Variants in MFSD6 observed in about 807,000 individuals in gnomAD.
The protein encoded by MFSD6 is major facilitator superfamily domain-containing protein 6.
Under a neutral mutation model 56.3 loss-of-function variants are expected in MFSD6, and 26 were observed. The ratio of observed to expected loss-of-function variants is 0.46; its 90% confidence interval spans 0.34 to 0.64. The LOEUF (loss-of-function observed/expected upper bound fraction) is 0.64, where lower values mean the gene tolerates loss of function less well. MFSD6 is among the 30% of genes least tolerant of loss of function. MFSD6 has a pLI of 0.01. For synonymous variants in MFSD6, 331 were observed against 366.9 expected, an observed-to-expected ratio of 0.90 and a Z score of 1.12; for missense variants, 750 against 986.2, an observed-to-expected ratio of 0.76 and a Z score of 3.21.
At chr2:190,441,002 A>G (rs1686353454) in intron 3 of MFSD6, among the ~76,000 whole-genome samples, 1 of 152,190 alleles carries the variant, frequency 6.6e-6, no homozygotes, top group Non-Finnish European at 1.5e-5. Flanking sequence ...TCACTGGAGG[A>G]ATAGCAGTAA....
At position 190,472,495 on chromosome 2, in the gene MFSD6, A is replaced by C. The variant is rs553808061; in HGVS notation, c.1630+2640A>C. Among the ~76,000 whole-genome samples the C allele has an allele frequency of 4.6e-5, 7 of 152,362 alleles. No individual in the cohort carries two copies. In the East Asian group the frequency reaches 1.3e-3, roughly 29 times the overall value. The stretch of plus-strand genomic sequence containing the variant: ...TGGAAGAAAGGGTATCAGTGATGGA[A>C]GATCAAATGAATGAAATGAAGTGAG... On this transcript the variant is annotated intron_variant, in intron 4 of 7. Transcript: ENST00000392328.
chr2:190,443,828 GAGGATGTCTTGAGCCC>G lies in MFSD6; in HGVS notation c.1532+6272_1532+6287del, dbSNP rs1686473902. On this transcript the variant is annotated intron_variant, in intron 3 of 7. Coordinates refer to ENST00000392328, the MANE Select transcript of MFSD6 (RefSeq NM_017694.4). The surrounding 1 kb of genome is among the most constrained non-coding windows in gnomAD (Gnocchi z 4.2). ...CCAGCACTTTGGGAGGCTGAGGCAGGAGGATGTCTTGAGCCCAGGAGTTCGAGATCAGCCTGGGCAA... is the reference window on the plus strand; with the variant it reads ...CCAGCACTTTGGGAGGCTGAGGCAGGAGGAGTTCGAGATCAGCCTGGGCAA... Among the ~76,000 whole-genome samples the G allele has an allele frequency of 6.6e-6, 1 of 152,202 alleles. No homozygotes were observed. The highest frequency in any genetic ancestry group is 1.5e-5 in the Non-Finnish European group (1 of 68,030).
At chr2:190,476,333 T>G (rs915276318) in intron 4 of MFSD6, among the ~76,000 whole-genome samples, 8 of 152,096 alleles carry the variant, frequency 5.3e-5, no homozygotes, top group Admixed American at 4.6e-4. Flanking sequence ...ATATCCAGAA[T>G]CTACAAAGAA....
rs145659985 is a variant in MFSD6, at chr2:190,440,252, G to C, written c.1532+2691G>C. Among the ~76,000 whole-genome samples the C allele has an allele frequency of 2.6e-5, 4 of 152,148 alleles. No homozygotes were observed. The East Asian group carries it at 7.7e-4, about 29-fold the overall frequency. On this transcript the variant is annotated intron_variant, in intron 3 of 7. Transcript: ENST00000392328. ...AATAGCATGTCCAGTTTTGAACTCAGTATTTTAACAGTTTCACAATATACA... is the reference window on the plus strand; with the variant it reads ...AATAGCATGTCCAGTTTTGAACTCACTATTTTAACAGTTTCACAATATACA...
In MFSD6 at chr2:190,465,545, T is replaced by C. The variant is rs1231072560; in HGVS notation, c.1533-4213T>C. ...TTCTAGGACCCTGAACATATGCTCA[T>C]ATTCAGCATAAAAAAGAATTTGATT... On this transcript the variant is annotated intron_variant, in intron 3 of 7. Coordinates refer to ENST00000392328, the MANE Select transcript of MFSD6 (RefSeq NM_017694.4). This position sits in a 1 kb window ranked among gnomAD's most constrained non-coding sequence, Gnocchi z 4.6. Among the ~76,000 whole-genome samples, 2 of 152,198 alleles carry C rather than the reference T, an allele frequency of 1.3e-5. No individual in the cohort carries two copies. The highest frequency in any genetic ancestry group is 2.9e-5 in the Non-Finnish European group (2 of 68,036).
At chr2:190,477,220 GCATTAAA>G in intron 4 of MFSD6, 1 of 969,100 alleles carries the variant, frequency 1.0e-6, no homozygotes, top group Non-Finnish European at 1.2e-6. Context: ...TAATAACAAT[GCATTAAA>G]CAGGAACTGC....
chr2:190,416,954 T>G lies in MFSD6; in HGVS notation c.-54+1541T>G, dbSNP rs910515980. Among the ~76,000 whole-genome samples, 2 of 152,140 alleles carry G rather than the reference T, an allele frequency of 1.3e-5. No individual in the cohort carries two copies. Among genetic ancestry groups the G allele is most frequent in the Admixed American group, 6.5e-5 (1 of 15,274 alleles). On this transcript the variant is annotated intron_variant, in intron 2 of 7. Transcript: ENST00000392328. The surrounding 1 kb of genome is among the most constrained non-coding windows in gnomAD (Gnocchi z 4.1). ...TTATATGTTTATTGTCATCAGGTGC[T>G]TGTCAAAATAAACAGTATTGAGAGC...
chr2:190,477,961 G>T (rs1182773010), intron 4 of MFSD6, among the ~76,000 whole-genome samples: 1 of 152,208 alleles, frequency 6.6e-6, no homozygotes, highest in Non-Finnish European at 1.5e-5. Context: ...GAAGAGCTGT[G>T]TGCGAAGGCA....
rs538719424 is a variant in MFSD6 at position 190,494,933 on chromosome 2, T to C, written c.1892-2506T>C. ...AAGTTGGAAGCATTCCCTCTGAAAA[T>C]TGGAACAAGACAAGGATGCCCACTC... is the stretch of plus-strand genomic sequence containing the variant. On this transcript the variant is annotated intron_variant, in intron 6 of 7. Transcript: ENST00000392328. The surrounding 1 kb of genome is among the most constrained non-coding windows in gnomAD (Gnocchi z 5.7). Among the ~76,000 whole-genome samples, 18 of 152,018 alleles carry C rather than the reference T, an allele frequency of 1.2e-4. No individual in the cohort carries two copies. Among genetic ancestry groups the C allele is most frequent in the African/African-American group, 3.6e-4 (15 of 41,462 alleles).
rs1346505891 is a variant in MFSD6, at chr2:190,431,091, C to T, written c.-53-4886C>T. Among the ~76,000 whole-genome samples the T allele has an allele frequency of 2.0e-5, 3 of 149,048 alleles. No individual in the cohort carries two copies. The highest frequency in any genetic ancestry group is 3.0e-5 in the Non-Finnish European group (2 of 67,224). ...GGGGTCGCAGCCGGGCAGAGGCGCTCCTCACATCCCAGACAGGGCGGCGGG... is the reference window on the plus strand; with the variant it reads ...GGGGTCGCAGCCGGGCAGAGGCGCTTCTCACATCCCAGACAGGGCGGCGGG... On this transcript the variant is annotated intron_variant, in intron 2 of 7. Transcript: ENST00000392328. The surrounding 1 kb of genome is among the most constrained non-coding windows in gnomAD (Gnocchi z 4.4).
Position 190,436,962 on chromosome 2 carries a change from G to C in MFSD6, c.933G>C (p.Thr311=). ...FSASSVTIVD[T]VTLQYLGKHR... ...CCTCTTCTGTCACAATCGTAGACAC[G>C]GTCACACTCCAGTATCTGGGAAAAC... The change falls in exon 3 of 8, where the codon ACG becomes ACC. Residue 311 remains threonine, a synonymous_variant. Transcript: ENST00000392328. This position sits in a 1 kb window ranked among gnomAD's most constrained non-coding sequence, Gnocchi z 5.3. 3 of 1,614,154 alleles carry C rather than the reference G, an allele frequency of 1.9e-6. No homozygotes were observed. In the South Asian group the frequency reaches 3.3e-5, roughly 18 times the overall value.
chr2:190,473,900 G>A lies in MFSD6; in HGVS notation c.1630+4045G>A, dbSNP rs549845866. ...ACAGTGCAATCAAACTAGAACTCAGGATTAAGAAACTCACTCAAAACTGCT... is the reference window on the plus strand; with the variant it reads ...ACAGTGCAATCAAACTAGAACTCAGAATTAAGAAACTCACTCAAAACTGCT... On this transcript the variant is annotated intron_variant, in intron 4 of 7. Transcript: ENST00000392328. 3.3e-5 allele frequency among the ~76,000 whole-genome samples: 5 copies of A among 152,252 alleles called. No homozygotes were observed. In the East Asian group the frequency reaches 9.6e-4, roughly 29 times the overall value.
Position 190,462,047 on chromosome 2 carries a change from A to G in MFSD6, c.1533-7711A>G, listed in dbSNP as rs770303353. ...ATACGAACTCAAAATCTACAGAAAT[A>G]TACTCCTTAGGCGATGAAGGGCCCT... is the stretch of plus-strand genomic sequence containing the variant. On this transcript the variant is annotated intron_variant, in intron 3 of 7. Coordinates refer to ENST00000392328, the MANE Select transcript of MFSD6 (RefSeq NM_017694.4). This position sits in a 1 kb window ranked among gnomAD's most constrained non-coding sequence, Gnocchi z 5.7. 6.6e-6 allele frequency among the ~76,000 whole-genome samples: 1 copy of G among 152,136 alleles called. No homozygotes were observed. The highest frequency in any genetic ancestry group is 1.5e-5 in the Non-Finnish European group (1 of 68,020).
Position 190,457,293 on chromosome 2 carries a change from G to C in MFSD6, c.1533-12465G>C, listed in dbSNP as rs1687093234. Among the ~76,000 whole-genome samples the C allele has an allele frequency of 6.6e-6, 1 of 152,162 alleles. No homozygotes were observed. Among genetic ancestry groups the C allele is most frequent in the Non-Finnish European group, 1.5e-5 (1 of 68,026 alleles). ...CTCTCCTTCCTTGTCTCTGTGAAAA[G>C]AGCGAGCTGGATGCTATGGCTCCTT... is the stretch of plus-strand genomic sequence containing the variant. On this transcript the variant is annotated intron_variant, in intron 3 of 7. Transcript: ENST00000392328. This position sits in a 1 kb window ranked among gnomAD's most constrained non-coding sequence, Gnocchi z 5.1.
chr2:190,463,786 C>T lies in MFSD6; in HGVS notation c.1533-5972C>T, dbSNP rs1293613173. ...ATTGAGCTGTGATGACGCTACTGCACTCCAGCCTGGGTAACAGAGCAAGAC... is the reference window on the plus strand; with the variant it reads ...ATTGAGCTGTGATGACGCTACTGCATTCCAGCCTGGGTAACAGAGCAAGAC... On this transcript the variant is annotated intron_variant, in intron 3 of 7. Coordinates refer to ENST00000392328, the MANE Select transcript of MFSD6 (RefSeq NM_017694.4). The surrounding 1 kb of genome is among the most constrained non-coding windows in gnomAD (Gnocchi z 4.4). 1.3e-6 allele frequency: 1 copy of T among 790,264 alleles called. No individual in the cohort carries two copies. The highest frequency in any genetic ancestry group is 1.9e-5 in the African/African-American group (1 of 53,272). 49.0% of individuals were successfully genotyped at this position (790,264 alleles called of 1,614,324 possible). A position where few individuals can be genotyped will look rare whatever the true frequency, so the allele number is the denominator to read the frequency against.
intron 2 of MFSD6, among the ~76,000 whole-genome samples, chr2:190,427,385 A>AT (rs1156303108): frequency 6.6e-6 from 1 of 152,096 alleles, no homozygotes; most frequent in Non-Finnish European, 1.5e-5. Flanking sequence ...GGTTATGATC[A>AT]TTTTTTCTGT....
In MFSD6 at chr2:190,489,148, C is replaced by T. The variant is rs1574246394; in HGVS notation, c.1792+330C>T. ...GGTACCTTAAACCTGCTGATAATAA[C>T]CCTAAAGGAAATAAAATTCATCATT... On this transcript the variant is annotated intron_variant, in intron 5 of 7. Coordinates refer to ENST00000392328, the MANE Select transcript of MFSD6 (RefSeq NM_017694.4). The surrounding 1 kb of genome is among the most constrained non-coding windows in gnomAD (Gnocchi z 6.6). Among the ~76,000 whole-genome samples, 1 of 152,128 alleles carries T rather than the reference C, an allele frequency of 6.6e-6. No individual in the cohort carries two copies. Among genetic ancestry groups the T allele is most frequent in the Non-Finnish European group, 1.5e-5 (1 of 68,016 alleles).
chr2:190,418,104 C>T lies in MFSD6; in HGVS notation c.-54+2691C>T, dbSNP rs1333600831. On this transcript the variant is annotated intron_variant, in intron 2 of 7. Transcript: ENST00000392328. This position sits in a 1 kb window ranked among gnomAD's most constrained non-coding sequence, Gnocchi z 4.1. ...TTGGGATCCCTGTCTCATAGCTGCA[C>T]AGTGCATTGAGAGTCAGTACCTGCT... 6.6e-6 allele frequency among the ~76,000 whole-genome samples: 1 copy of T among 151,930 alleles called. No homozygotes were observed. The highest frequency in any genetic ancestry group is 2.4e-5 in the African/African-American group (1 of 41,354).
rs1210968223 is a variant in MFSD6 at position 190,437,024 on chromosome 2, C to T, written c.995C>T (p.Ser332Phe). 1 of 1,614,172 alleles carries T rather than the reference C, an allele frequency of 6.2e-7. No individual in the cohort carries two copies. Among genetic ancestry groups the T allele is most frequent in the Non-Finnish European group, 8.5e-7 (1 of 1,180,038 alleles). ...DRYGLQRMWG[S>F]LGWGLAMLSV... The stretch of plus-strand genomic sequence containing the variant: ...TATGGGTTGCAGCGCATGTGGGGCT[C>T]CCTGGGCTGGGGCCTGGCGATGCTG... The change falls in exon 3 of 8, where the codon TCC (serine) becomes TTC (phenylalanine). Residue 332 changes from serine (S) to phenylalanine (F), a missense_variant. Physicochemically the swap from Ser to Phe is radical, Grantham distance 155. Transcript: ENST00000392328. This position sits in a 1 kb window ranked among gnomAD's most constrained non-coding sequence, Gnocchi z 5.9.
Sources: gnomAD v4.1 joint callset for allele counts (sites outside exome capture counted in the v4.1 genomes callset) on GRCh38, gnomAD v4.1.1 for gene constraint, Gnocchi (gnomAD v3.1) non-coding constraint, MANE v1.5 for transcripts, NCBI Gene and HGNC (gene_info 2026-07-23, HGNC 2026-07-21) for gene names.